Variants in ALOX5AP observed in about 807,000 individuals in gnomAD.
The protein encoded by ALOX5AP is arachidonate 5-lipoxygenase-activating protein.
A neutral mutation model predicts 18.5 loss-of-function variants in ALOX5AP; 9 were observed. The observed-to-expected ratio is 0.49, with a 90% CI of 0.29 to 0.85. The LOEUF (loss-of-function observed/expected upper bound fraction) is 0.85. Ranked by LOEUF, ALOX5AP falls within the 40% of genes least tolerant of loss-of-function variation. ALOX5AP has a pLI of 0.08. For missense variants in ALOX5AP, 172 were observed against 202.5 expected, an observed-to-expected ratio of 0.85 and a Z score of 0.91; for synonymous variants, 81 against 78.6, an observed-to-expected ratio of 1.03 and a Z score of -0.16.
At chr13:30,753,977 T>C (rs1951871919) in intron 3 of ALOX5AP, among the ~76,000 whole-genome samples, 1 of 152,200 alleles carries the variant, frequency 6.6e-6, no homozygotes, top group Admixed American at 6.5e-5. Context: ...CAGTGGCTCA[T>C]GCCTGTAATC....
At chr13:30,760,855 A>G (rs1566090229) in intron 4 of ALOX5AP, among the ~76,000 whole-genome samples, 1 of 152,208 alleles carries the variant, frequency 6.6e-6, no homozygotes, top group East Asian at 1.9e-4. Flanking sequence ...ATTTAGGATT[A>G]TGTACCAACT....
intron 3 of ALOX5AP, among the ~76,000 whole-genome samples, chr13:30,752,447 T>A (rs1233579851): frequency 1.3e-5 from 2 of 152,202 alleles, no homozygotes; most frequent in African/African-American, 2.4e-5. Flanking sequence ...TGAGAGTGCC[T>A]GAGGGATCTA....
chr13:30,735,745 G>T lies in ALOX5AP; in HGVS notation c.70+70G>T, dbSNP rs1951715997. ...TCTTTGATGGTTGTTTGGAAGTCAG[G>T]CTTAAACAATTGTGTCTGTGTGTGC... On this transcript the variant is annotated intron_variant, in intron 1 of 4. Transcript: ENST00000380490. The T allele has an allele frequency of 1.9e-6, 3 of 1,565,676 alleles. No homozygotes were observed. The Admixed American group carries it at 5.2e-5, about 27-fold the overall frequency.
intron 1 of ALOX5AP, among the ~76,000 whole-genome samples, chr13:30,720,812 C>G (rs975940980): frequency 6.6e-6 from 1 of 152,140 alleles, no homozygotes; most frequent in African/African-American, 2.4e-5. Flanking sequence ...AAATTTTTGT[C>G]AATAAAAGGC....
rs76622406 is a variant in ALOX5AP, at chr13:30,725,531, C to T, written c.117-10020C>T. Among the ~76,000 whole-genome samples, 321 of 152,372 alleles carry T rather than the reference C, an allele frequency of 2.1e-3. 2 individuals carry two copies. The highest frequency in any genetic ancestry group is 7.3e-3 in the African/African-American group (304 of 41,594). On this transcript the variant is annotated intron_variant, in intron 1 of 5. Transcript: ENST00000617770. ...CTCCAGCCATTGCTGAGTGCTCAGC[C>T]TGCCAAGATAGAAATCTACGCCAAT...
In ALOX5AP at chr13:30,752,126, ACT is replaced by A. The variant is rs964431072; in HGVS notation, c.241+6_241+7del. Reference sequence around the variant, plus strand: ...GCGGGGCTACTTTGCAGCCAAGGTAACTCAGACTTCCCTTTGTTCATTCTCCT... The same window carrying A: ...GCGGGGCTACTTTGCAGCCAAGGTAACAGACTTCCCTTTGTTCATTCTCCT... On this transcript the variant is annotated splice_donor_5th_base_variant and intron_variant, in intron 3 of 4. Coordinates refer to ENST00000380490, the MANE Select transcript of ALOX5AP (RefSeq NM_001629.4). 1 of 1,613,738 alleles carries A rather than the reference ACT, an allele frequency of 6.2e-7. No individual in the cohort carries two copies. Among genetic ancestry groups the A allele is most frequent in the African/African-American group, 1.3e-5 (1 of 75,010 alleles).
rs41323349 is a variant in ALOX5AP at position 30,764,017 on chromosome 13, T to C, written c.397T>C (p.Tyr133His). 480 of 1,614,080 alleles carry C rather than the reference T, an allele frequency of 3.0e-4. 1 individual carries two copies. The highest frequency in any genetic ancestry group is 3.9e-4 in the Non-Finnish European group (461 of 1,180,030). ...FLMSVAGIFNYYLIFFFGSDF... is the reference protein window; with the variant it reads ...FLMSVAGIFNHYLIFFFGSDF... Reference sequence around the variant, plus strand: ...CATGTCCGTTGCTGGCATATTCAACTATTACCTCATCTTCTTTTTCGGAAG... The same window carrying C: ...CATGTCCGTTGCTGGCATATTCAACCATTACCTCATCTTCTTTTTCGGAAG... The change falls in exon 5 of 5, where the codon TAT (tyrosine) becomes CAT (histidine). Residue 133 changes from tyrosine to histidine, a missense_variant. Coordinates refer to ENST00000380490, the MANE Select transcript of ALOX5AP (RefSeq NM_001629.4).
rs9578198 is a variant in ALOX5AP at position 30,759,647 on chromosome 13, C to T, written c.323+3622C>T. 4.3e-3 allele frequency among the ~76,000 whole-genome samples: 657 copies of T among 152,306 alleles called. 4 individuals are homozygous for T. Among genetic ancestry groups the T allele is most frequent in the Middle Eastern group, 0.014 (4 of 294 alleles). ...GAAGACTGATTCCTCGTTGTCATTTCTCCTCCTCAGCATCAATGTTTTAGA... is the reference window on the plus strand; with the variant it reads ...GAAGACTGATTCCTCGTTGTCATTTTTCCTCCTCAGCATCAATGTTTTAGA... On this transcript the variant is annotated intron_variant, in intron 4 of 4. Coordinates refer to ENST00000380490, the MANE Select transcript of ALOX5AP (RefSeq NM_001629.4).
intron 4 of ALOX5AP, among the ~76,000 whole-genome samples, chr13:30,759,096 G>A (rs1454541882): frequency 6.6e-6 from 1 of 152,152 alleles, no homozygotes; most frequent in African/African-American, 2.4e-5. Context: ...TGGGAGTATA[G>A]GCATAAGCCA....
chr13:30,754,510 G>C (rs1006441384), intron 3 of ALOX5AP, among the ~76,000 whole-genome samples: 2 of 152,066 alleles, frequency 1.3e-5, no homozygotes, highest in Non-Finnish European at 2.9e-5. Context: ...TCCTGACACA[G>C]TGCTTGGCAT....
intron 4 of ALOX5AP, among the ~76,000 whole-genome samples, chr13:30,761,199 T>C (rs17238955): frequency 0.013 from 1,919 of 152,306 alleles, 10 homozygotes; most frequent in Non-Finnish European, 0.02. Flanking sequence ...TGAGCTCTTA[T>C]CTTCCACACC....
At position 30,717,226 on chromosome 13, in the gene ALOX5AP, T is replaced by G. The variant is rs150044402; in HGVS notation, c.116+3385T>G. Among the ~76,000 whole-genome samples the G allele has an allele frequency of 2.6e-5, 4 of 152,360 alleles. No homozygotes were observed. The East Asian group carries it at 7.7e-4, about 29-fold the overall frequency. ...AAGCTGAGGGCAGAAGCCAGACCTC[T>G]TTTTGGGCAGGGTTAAATTCTTTAT... On this transcript the variant is annotated intron_variant, in intron 1 of 5. Coordinates refer to the ALOX5AP transcript ENST00000617770.
chr13:30,713,953 C>T (rs959982560), intron 1 of ALOX5AP: 5 of 1,219,964 alleles, frequency 4.1e-6, no homozygotes, highest in African/African-American at 3.0e-5. Flanking sequence ...AACCGAGGCT[C>T]CCAGAAGCAG....
intron 1 of ALOX5AP, among the ~76,000 whole-genome samples, chr13:30,739,089 C>G (rs145155350): frequency 1.3e-4 from 20 of 152,178 alleles, no homozygotes; most frequent in Non-Finnish European, 1.8e-4. Flanking sequence ...CAACCACCCC[C>G]CTCCACCGCC....
intron 1 of ALOX5AP, among the ~76,000 whole-genome samples, chr13:30,722,958 T>G (rs370845722): frequency 6.6e-6 from 1 of 152,216 alleles, no homozygotes; most frequent in African/African-American, 2.4e-5. Context: ...GTTGGTTCCA[T>G]GCTTCTTGTA....
intron 1 of ALOX5AP, among the ~76,000 whole-genome samples, chr13:30,740,198 G>C (rs767670044): frequency 1.3e-5 from 2 of 152,158 alleles, no homozygotes; most frequent in Non-Finnish European, 2.9e-5. Flanking sequence ...AATAATCTAC[G>C]TATGAGTTAT....
At chr13:30,740,927 G>A (rs922510876) in intron 1 of ALOX5AP, among the ~76,000 whole-genome samples, 3 of 151,938 alleles carry the variant, frequency 2.0e-5, no homozygotes, top group Admixed American at 6.6e-5. Flanking sequence ...AGAGAAGTAC[G>A]GCACATCGTG....
chr13:30,727,720 G>A (rs759495587), intron 1 of ALOX5AP, among the ~76,000 whole-genome samples: 7 of 152,292 alleles, frequency 4.6e-5, no homozygotes, highest in Non-Finnish European at 1.0e-4. Context: ...CGTGATGAGG[G>A]CATCAGATTC....
upstream of ALOX5AP, among the ~76,000 whole-genome samples, chr13:30,734,923 G>C (rs1027629999): frequency 2.0e-5 from 3 of 151,498 alleles, no homozygotes; most frequent in Non-Finnish European, 4.4e-5. Flanking sequence ...TTTTTTTCTT[G>C]GAATTCAAAA....
Sources: allele counts gnomAD v4.1 joint callset (sites outside exome capture counted in the v4.1 genomes callset), GRCh38; gene constraint gnomAD v4.1.1; transcripts MANE v1.5; gene names NCBI Gene and HGNC (gene_info 2026-07-23, HGNC 2026-07-21).